CRYL1: variants seen among roughly 807,000 people sequenced by gnomAD.
CRYL1 encodes the protein lambda-crystallin homolog.
A neutral mutation model predicts 36.6 loss-of-function variants in CRYL1; 29 were observed. That is an observed-to-expected ratio of 0.79 (90% confidence interval 0.59 to 1.08). CRYL1 has a LOEUF of 1.08. Ranked by LOEUF, CRYL1 falls within the 50% of genes least tolerant of loss-of-function variation. The pLI, the probability that CRYL1 is intolerant of heterozygous loss-of-function variation, is 0.00. For synonymous variants in CRYL1, 152 were observed against 151.5 expected, an observed-to-expected ratio of 1.00 and a Z score of -0.02; for missense variants, 411 against 407.9, an observed-to-expected ratio of 1.01 and a Z score of -0.06.
At chr13:20,499,598 G>C (rs1433098644) in intron 2 of CRYL1, among the ~76,000 whole-genome samples, 1 of 152,014 alleles carries the variant, frequency 6.6e-6, no homozygotes, top group Admixed American at 6.6e-5. Flanking sequence ...CTTGCAGTGA[G>C]CCGAGATCAT....
chr13:20,467,117 T>G (rs1273567633), intron 3 of CRYL1, among the ~76,000 whole-genome samples: 1 of 149,296 alleles, frequency 6.7e-6, no homozygotes, highest in African/African-American at 2.4e-5. Context: ...CCGGCTGATT[T>G]TTTTTTTTTT....
In CRYL1 at chr13:20,475,323, T is replaced by C. The variant is rs201929753; in HGVS notation, c.276+14047A>G. On this transcript the variant is annotated intron_variant, in intron 3 of 7. Coordinates refer to ENST00000298248, the MANE Select transcript of CRYL1 (RefSeq NM_015974.3). ...CCTGGCCCAAAGGCTGATTCCACCT[T>C]TGGGCTCTGGGGTGAGATCTTTATC... Among the ~76,000 whole-genome samples the C allele has an allele frequency of 1.7e-4, 26 of 152,290 alleles. No individual in the cohort carries two copies. The East Asian group carries it at 4.8e-3, about 28-fold the overall frequency.
intron 5 of CRYL1, among the ~76,000 whole-genome samples, chr13:20,421,116 G>A (rs549906203): frequency 9.2e-5 from 14 of 152,086 alleles, no homozygotes; most frequent in Non-Finnish European, 1.6e-4. Flanking sequence ...CTAATAAAAG[G>A]GACATTCCAG....
chr13:20,520,596 C>T (rs2034074813), intron 1 of CRYL1, among the ~76,000 whole-genome samples: 1 of 152,156 alleles, frequency 6.6e-6, no homozygotes, highest in South Asian at 2.1e-4. Flanking sequence ...TTGAGATTGG[C>T]CCCTTCATTG....
At chr13:20,485,177 C>T (rs2033370804) in intron 3 of CRYL1, among the ~76,000 whole-genome samples, 1 of 152,128 alleles carries the variant, frequency 6.6e-6, no homozygotes, top group Non-Finnish European at 1.5e-5. Context: ...ACCACCACGC[C>T]TGGCTAATGT....
intron 1 of CRYL1, among the ~76,000 whole-genome samples, chr13:20,515,189 G>A (rs895837766): frequency 6.6e-6 from 1 of 152,168 alleles, no homozygotes; most frequent in Non-Finnish European, 1.5e-5. Context: ...GCTAGGGGAG[G>A]AAGGAATGAA....
intron 1 of CRYL1, among the ~76,000 whole-genome samples, chr13:20,524,669 G>A (rs550335881): frequency 6.6e-6 from 1 of 152,124 alleles, no homozygotes; most frequent in African/African-American, 2.4e-5. Flanking sequence ...GAGCCACCGC[G>A]CGCGGCCCAA....
At chr13:20,432,753 C>T (rs998502712) in intron 4 of CRYL1, among the ~76,000 whole-genome samples, 1 of 152,096 alleles carries the variant, frequency 6.6e-6, no homozygotes, top group Non-Finnish European at 1.5e-5. Context: ...TGCGGTGGCT[C>T]ACACCTGTAA....
intron 3 of CRYL1, among the ~76,000 whole-genome samples, chr13:20,487,872 C>T (rs1565980611): frequency 6.6e-6 from 1 of 152,128 alleles, no homozygotes; most frequent in South Asian, 2.1e-4. Flanking sequence ...GAGGCCAAGG[C>T]CAGCGGATCA....
At chr13:20,455,874 C>G (rs1287196430) in intron 3 of CRYL1, among the ~76,000 whole-genome samples, 2 of 152,140 alleles carry the variant, frequency 1.3e-5, no homozygotes, top group Non-Finnish European at 2.9e-5. Flanking sequence ...GTAATATGGG[C>G]ACATACTGTT....
At chr13:20,417,119 T>G (rs1017636078) in intron 5 of CRYL1, among the ~76,000 whole-genome samples, 1 of 152,170 alleles carries the variant, frequency 6.6e-6, no homozygotes, top group Admixed American at 6.5e-5. Flanking sequence ...GCTCCACAAC[T>G]AGGATATCAT....
chr13:20,478,784 C>T (rs576417214), intron 3 of CRYL1, among the ~76,000 whole-genome samples: 87 of 152,070 alleles, frequency 5.7e-4, no homozygotes, highest in African/African-American at 1.9e-3. Flanking sequence ...GCCCTCTTCT[C>T]GCTCTGTTGC....
chr13:20,484,440 A>C (rs2033353888), intron 3 of CRYL1, among the ~76,000 whole-genome samples: 1 of 152,184 alleles, frequency 6.6e-6, no homozygotes, highest in Admixed American at 6.5e-5. Context: ...AAGTCTAAAA[A>C]TTATATGTCT....
intron 2 of CRYL1, among the ~76,000 whole-genome samples, chr13:20,505,925 C>A (rs2033789912): frequency 6.6e-6 from 1 of 152,202 alleles, no homozygotes; most frequent in Admixed American, 6.5e-5. Context: ...GACAAGACTT[C>A]ACAATCATTA....
chr13:20,523,884 C>T (rs1214515746), intron 1 of CRYL1, among the ~76,000 whole-genome samples: 3 of 152,192 alleles, frequency 2.0e-5, no homozygotes, highest in African/African-American at 7.2e-5. Context: ...CTGAGCCACC[C>T]ACAGCCAGAT....
intron 3 of CRYL1, among the ~76,000 whole-genome samples, chr13:20,487,196 A>G (rs746271724): frequency 3.9e-5 from 6 of 152,304 alleles, no homozygotes; most frequent in Non-Finnish European, 5.9e-5. Context: ...GGATGACTTT[A>G]CAATTGTTAC....
At chr13:20,430,042 C>CT (rs2032021449) in intron 5 of CRYL1, among the ~76,000 whole-genome samples, 1 of 152,078 alleles carries the variant, frequency 6.6e-6, no homozygotes, top group African/African-American at 2.4e-5. Flanking sequence ...AGCCCTGCCC[C>CT]ATAACTAAAG....
At chr13:20,513,468 A>G (rs2033949780) in intron 1 of CRYL1, 1 of 152,224 alleles carries the variant, frequency 6.6e-6, no homozygotes, top group East Asian at 1.9e-4. Context: ...AATCTTTACA[A>G]CAACCCTACA....
intron 3 of CRYL1, among the ~76,000 whole-genome samples, chr13:20,460,426 G>C (rs1361508221): frequency 1.3e-5 from 2 of 149,654 alleles, no homozygotes; most frequent in African/African-American, 2.5e-5. Context: ...GGACAATGTA[G>C]AATATCCACT....
Sources: allele counts gnomAD v4.1 joint callset (sites outside exome capture counted in the v4.1 genomes callset), GRCh38; gene constraint gnomAD v4.1.1; transcripts MANE v1.5; gene names NCBI Gene and HGNC (gene_info 2026-07-23, HGNC 2026-07-21).